Variants in CBLIF observed in about 807,000 individuals in gnomAD.
The protein encoded by CBLIF is cobalamin binding intrinsic factor.
A neutral mutation model predicts 44.9 loss-of-function variants in CBLIF; 24 were observed. The observed-to-expected ratio is 0.53, with a 90% CI of 0.39 to 0.75. The LOEUF is 0.75. Among genes scored for constraint, CBLIF ranks in the 30% least tolerant of loss-of-function variants. The pLI, the probability that CBLIF is intolerant of heterozygous loss-of-function variation, is 0.00. For synonymous variants in CBLIF, 183 were observed against 190.9 expected, an observed-to-expected ratio of 0.96 and a Z score of 0.34; for missense variants, 481 against 513.0, an observed-to-expected ratio of 0.94 and a Z score of 0.60.
At chr11:59,835,457 G>T (rs1026357832) in intron 7 of CBLIF, among the ~76,000 whole-genome samples, 2 of 151,772 alleles carry the variant, frequency 1.3e-5, no homozygotes, top group African/African-American at 4.8e-5. Flanking sequence ...GAGCCACTAC[G>T]CCCGGCCTGT....
intron 5 of CBLIF, among the ~76,000 whole-genome samples, chr11:59,838,308 T>C (rs1866480112): frequency 6.6e-6 from 1 of 152,140 alleles, no homozygotes; most frequent in Admixed American, 6.5e-5. Flanking sequence ...CTGTCTATTG[T>C]TGGGGGAGTC....
chr11:59,842,966 G>A, intron 3 of CBLIF, 62 bp downstream of exon 3: 1 of 1,069,274 alleles, frequency 9.4e-7, no homozygotes, highest in Admixed American at 1.7e-5. Flanking sequence ...TCCTTTCTGG[G>A]TTTAAAATTC....
chr11:59,833,533 A>G (rs1277510780), intron 7 of CBLIF, among the ~76,000 whole-genome samples: 4 of 151,162 alleles, frequency 2.6e-5, no homozygotes, highest in Non-Finnish European at 5.9e-5. Flanking sequence ...AAAAAAAAAA[A>G]TTAAATAGTT....
At chr11:59,835,740 G>A in intron 7 of CBLIF, 68 bp downstream of exon 7, 1 of 1,258,782 alleles carries the variant, frequency 7.9e-7, no homozygotes, top group Non-Finnish European at 1.2e-6. Flanking sequence ...TAGGAAAACA[G>A]GATGGATAAA....
rs1369334209 is a variant in CBLIF, at chr11:59,841,472, C to T, written c.512-148G>A. ...GTGAAACAGTACCTGTAATCATCTC[C>T]ATTTAAGAGACAAAAAATGGAGGCT... On this transcript the variant is annotated intron_variant, in intron 4 of 8. Transcript: ENST00000257248. The T allele has an allele frequency of 2.2e-5, 15 of 679,360 alleles. No homozygotes were observed. The Admixed American group carries it at 2.8e-4, about 13-fold the overall frequency. 42.1% of individuals were successfully genotyped at this position (679,360 alleles called of 1,614,324 possible). A position where few individuals can be genotyped will look rare whatever the true frequency, so the allele number is the denominator to read the frequency against.
intron 4 of CBLIF, among the ~76,000 whole-genome samples, chr11:59,841,807 G>A (rs1007487233): frequency 2.6e-5 from 4 of 152,192 alleles, no homozygotes; most frequent in African/African-American, 9.7e-5. Context: ...TGGCAGAGGA[G>A]AAAAGGTGAT....
At chr11:59,843,234 G>T in intron 2 of CBLIF, 93 bp from the exon 3 acceptor site, 1 of 770,092 alleles carries the variant, frequency 1.3e-6, no homozygotes, top group Non-Finnish European at 2.3e-6. Flanking sequence ...TTTATCTAGA[G>T]CATTTTGACT....
In CBLIF at chr11:59,842,527, A is replaced by C. The variant is rs1866548705; in HGVS notation, c.427T>G (p.Cys143Gly). ...YGPSLAILALCQKNSEATLPI... is the reference protein window; with the variant it reads ...YGPSLAILALGQKNSEATLPI... Reference sequence around the variant, plus strand: ...AAGGTCGCCTCAGAGTTCTTCTGGCACAGTGCCAAGATCGCTAGACTGGGC... The same window carrying C: ...AAGGTCGCCTCAGAGTTCTTCTGGCCCAGTGCCAAGATCGCTAGACTGGGC... Residue 143 changes from cysteine to glycine, a missense_variant, in exon 4 of 9, where the codon TGC becomes GGC. Physicochemically the swap from Cys to Gly is radical, Grantham distance 159. Coordinates refer to ENST00000257248, the MANE Select transcript of CBLIF (RefSeq NM_005142.3). 6.2e-7 allele frequency: 1 copy of C among 1,613,834 alleles called. No homozygotes were observed. Among genetic ancestry groups the C allele is most frequent in the African/African-American group, 1.3e-5 (1 of 74,940 alleles).
In CBLIF at chr11:59,843,865, C is replaced by T; in HGVS notation, c.256+14G>A. 1 of 1,603,652 alleles carries T rather than the reference C, an allele frequency of 6.2e-7. No homozygotes were observed. The highest frequency in any genetic ancestry group is 8.5e-7 in the Non-Finnish European group (1 of 1,171,306). ...TGAGATTCAGGGAGAGTGCGAGCGG[C>T]TCAGATGTCTCACCGTTGTTGTCGC... On this transcript the variant is annotated intron_variant, in intron 2 of 8. Coordinates refer to ENST00000257248, the MANE Select transcript of CBLIF (RefSeq NM_005142.3).
chr11:59,845,460 C>T lies in CBLIF; in HGVS notation c.-7G>A. The T allele has an allele frequency of 6.3e-7, 1 of 1,593,574 alleles. No individual in the cohort carries two copies. ...AGAGGGCAAACCAGGCCATCTCACTCTCTCGTCTATGTCTCTCATCCACAG... is the reference window on the plus strand; with the variant it reads ...AGAGGGCAAACCAGGCCATCTCACTTTCTCGTCTATGTCTCTCATCCACAG... On this transcript the variant is annotated 5_prime_UTR_variant, in exon 1 of 9. Transcript: ENST00000257248.
chr11:59,836,092 C>G (rs1045327989), intron 6 of CBLIF, 83 bp from the exon 7 acceptor site: 2 of 1,002,074 alleles, frequency 2.0e-6, no homozygotes, highest in Non-Finnish European at 3.2e-6. Context: ...TGGCAACTTA[C>G]CCCAGAAGAC....
Position 59,845,473 on chromosome 11 carries a change from C to T in CBLIF, c.-20G>A, listed in dbSNP as rs995123473. 2 of 1,511,116 alleles carry T rather than the reference C, an allele frequency of 1.3e-6. No homozygotes were observed. Among genetic ancestry groups the T allele is most frequent in the Non-Finnish European group, 1.8e-6 (2 of 1,086,930 alleles). The allele number at this position is 1,511,116 out of a possible 1,614,324, so 93.6% of individuals were successfully genotyped here. ...GGCCATCTCACTCTCTCGTCTATGT[C>T]TCTCATCCACAGGTACCGCGATTTG... On this transcript the variant is annotated 5_prime_UTR_variant, in exon 1 of 9. Coordinates refer to ENST00000257248, the MANE Select transcript of CBLIF (RefSeq NM_005142.3).
intron 7 of CBLIF, 40 bp from the exon 8 acceptor site, chr11:59,831,836 G>A (rs1866379369): frequency 4.3e-6 from 4 of 920,462 alleles, no homozygotes; most frequent in Admixed American, 1.7e-5. Flanking sequence ...CTCACTTTAG[G>A]TCAGGGAATA....
chr11:59,834,143 T>C (rs1306801793), intron 7 of CBLIF, among the ~76,000 whole-genome samples: 1 of 152,244 alleles, frequency 6.6e-6, no homozygotes, highest in Non-Finnish European at 1.5e-5. Context: ...CTCTAAGAGA[T>C]GACTGTCCAA....
At chr11:59,834,304 CTTTCTTT>C (rs1590856170) in intron 7 of CBLIF, among the ~76,000 whole-genome samples, 3,743 of 102,204 alleles carry the variant, frequency 0.037, 64 homozygotes, top group Non-Finnish European at 0.041. Flanking sequence ...TTCTTTCTTT[CTTTCTTT>C]CTTCCTTCCT....
intron 8 of CBLIF, chr11:59,831,413 T>TA (rs1866372100): frequency 5.7e-6 from 1 of 174,470 alleles, no homozygotes; most frequent in South Asian, 1.7e-4. Flanking sequence ...TCTTAAGACT[T>TA]ACTTTCCTTC....
chr11:59,834,618 C>A (rs1866429616), intron 7 of CBLIF, among the ~76,000 whole-genome samples: 1 of 151,868 alleles, frequency 6.6e-6, no homozygotes, highest in South Asian at 2.1e-4. Flanking sequence ...GTCTCGAACT[C>A]CTACCCTCAA....
chr11:59,829,694 A>T, intron 8 of CBLIF, 149 bp from the exon 9 acceptor site: 2 of 680,382 alleles, frequency 2.9e-6, no homozygotes, highest in Middle Eastern at 2.5e-4. Flanking sequence ...CAGTTTGATT[A>T]TGAAGAGAAA....
intron 7 of CBLIF, among the ~76,000 whole-genome samples, chr11:59,834,287 T>TCTTTCTTTCTTTCTTTCTTCCTTCCTTC (rs1866418623): frequency 7.1e-6 from 1 of 139,912 alleles, no homozygotes; most frequent in African/African-American, 2.7e-5. Context: ...TTTCTTTCTT[T>TCTTTCTTTCTTTCTTTCTTCCTTCCTTC]CTTTCTTTCT....
Sources: gnomAD v4.1 joint callset for allele counts (sites outside exome capture counted in the v4.1 genomes callset) on GRCh38, gnomAD v4.1.1 for gene constraint, MANE v1.5 for transcripts, NCBI Gene and HGNC (gene_info 2026-07-23, HGNC 2026-07-21) for gene names.